The following DMRTA1 variants were observed in gnomAD, a reference collection of about 807,000 sequenced individuals.
DMRTA1 encodes doublesex- and mab-3-related transcription factor A1.
A neutral mutation model predicts 35.2 loss-of-function variants in DMRTA1; 34 were observed. That is an observed-to-expected ratio of 0.97 (90% CI 0.74 to 1.29). The LOEUF is 1.29. Ranked by LOEUF, DMRTA1 falls within the 50% of genes most tolerant of loss-of-function variation. The pLI, the probability that DMRTA1 is intolerant of heterozygous loss-of-function variation, is 0.00. For synonymous variants in DMRTA1, 344 were observed against 276.6 expected (o/e 1.24, Z -2.42); for missense variants, 824 against 644.6 (o/e 1.28, Z -3.01).
chr9:22,449,344 T>C lies in DMRTA1; in HGVS notation c.667+1612T>C, dbSNP rs115005646. Among the ~76,000 whole-genome samples, 1,033 of 152,240 alleles carry C rather than the reference T, an allele frequency of 6.8e-3. 15 individuals carry two copies. Among genetic ancestry groups the C allele is most frequent in the African/African-American group, 0.024 (988 of 41,540 alleles). On this transcript the variant is annotated intron_variant, in intron 1 of 1. Transcript: ENST00000325870. ...GTATCCAAAAACTACAATGCAAGGC[T>C]TAATATACAATGATAAATGCAATAG...
Position 22,451,785 on chromosome 9 carries a change from C to T in DMRTA1, c.1389C>T (p.Thr463=), listed in dbSNP as rs1190403790. 1 of 1,614,066 alleles carries T rather than the reference C, an allele frequency of 6.2e-7. No homozygotes were observed. Among genetic ancestry groups the T allele is most frequent in the South Asian group, 1.1e-5 (1 of 91,070 alleles). The stretch of plus-strand genomic sequence containing the variant: ...ACCTAACACCTGGGTTAGTACCAAC[C>T]TTACCTTTTCGGCCAGCTTTGGATT... ...SPYLTPGLVP[T]LPFRPALDYA... is the part of the protein sequence containing the mutation. Residue 463 remains threonine (T), a synonymous_variant, in exon 2 of 2, where the codon ACC becomes ACT. Coordinates refer to ENST00000325870, the MANE Select transcript of DMRTA1 (RefSeq NM_022160.3).
chr9:22,450,333 T>C lies in DMRTA1; in HGVS notation c.668-731T>C, dbSNP rs538860686. On this transcript the variant is annotated intron_variant, in intron 1 of 1. Transcript: ENST00000325870. ...AACAATTTGCTTTTAAAGTCTGTTA[T>C]TGATATTTCTTAAGGATTGAAAAAG... Among the ~76,000 whole-genome samples, 58 of 151,470 alleles carry C rather than the reference T, an allele frequency of 3.8e-4. 1 individual carries two copies. Among genetic ancestry groups the C allele is most frequent in the Middle Eastern group, 3.4e-3 (1 of 294 alleles).
Position 22,454,585 on chromosome 9 carries a change from C to A in DMRTA1, c.*2674C>A, listed in dbSNP as rs1394701764. 1 of 152,094 alleles carries A rather than the reference C, an allele frequency of 6.6e-6. No homozygotes were observed. Among genetic ancestry groups the A allele is most frequent in the Non-Finnish European group, 1.5e-5 (1 of 67,994 alleles). The allele number at this position is 152,094 out of a possible 1,614,324, so 9.4% of individuals were successfully genotyped here. A position where few individuals can be genotyped will look rare whatever the true frequency, so the allele number is the denominator to read the frequency against. On this transcript the variant is annotated 3_prime_UTR_variant, in exon 2 of 2. Coordinates refer to ENST00000325870, the MANE Select transcript of DMRTA1 (RefSeq NM_022160.3). ...GACAGTGTTGGTACATCAATGAGTT[C>A]TTTGTAATCTTGATATTTATATCCA...
In DMRTA1 at chr9:22,454,889, T is replaced by G. The variant is rs753715977; in HGVS notation, c.*2978T>G. 3 of 152,120 alleles carry G rather than the reference T, an allele frequency of 2.0e-5. No homozygotes were observed. The highest frequency in any genetic ancestry group is 7.2e-5 in the African/African-American group (3 of 41,420). The allele number at this position is 152,120 out of a possible 1,614,324, so 9.4% of individuals were successfully genotyped here. A position where few individuals can be genotyped will look rare whatever the true frequency, so the allele number is the denominator to read the frequency against. On this transcript the variant is annotated 3_prime_UTR_variant, in exon 2 of 2. Coordinates refer to ENST00000325870, the MANE Select transcript of DMRTA1 (RefSeq NM_022160.3). ...CATGTAGAAAATACCAATCAGAGCCTGATTGATGGGATTTTTAATTACTGC... is the reference window on the plus strand; with the variant it reads ...CATGTAGAAAATACCAATCAGAGCCGGATTGATGGGATTTTTAATTACTGC...
chr9:22,452,576 G>T lies in DMRTA1; in HGVS notation c.*665G>T, dbSNP rs902728038. On this transcript the variant is annotated 3_prime_UTR_variant, in exon 2 of 2. Coordinates refer to ENST00000325870, the MANE Select transcript of DMRTA1 (RefSeq NM_022160.3). ...TCTTTAAAGTTGACACTGTGTCTAT[G>T]AAGTAAATTTTAGGAAATAAGACTG... The T allele has an allele frequency of 6.6e-6, 1 of 152,166 alleles. No individual in the cohort carries two copies. The highest frequency in any genetic ancestry group is 1.5e-5 in the Non-Finnish European group (1 of 68,034). 9.4% of individuals were successfully genotyped at this position (152,166 alleles called of 1,614,324 possible).
Position 22,452,428 on chromosome 9 carries a change from T to C in DMRTA1, c.*517T>C, listed in dbSNP as rs1203162365. The C allele has an allele frequency of 6.6e-6, 1 of 152,322 alleles. No individual in the cohort carries two copies. Among genetic ancestry groups the C allele is most frequent in the Non-Finnish European group, 1.5e-5 (1 of 68,136 alleles). The allele number at this position is 152,322 out of a possible 1,614,324, so 9.4% of individuals were successfully genotyped here. On this transcript the variant is annotated 3_prime_UTR_variant, in exon 2 of 2. Coordinates refer to ENST00000325870, the MANE Select transcript of DMRTA1 (RefSeq NM_022160.3). ...TTCAAAGTATTTTTAAAGCATTTGA[T>C]TTGCAGATGGGTGATTCGTAATAAA... is the stretch of plus-strand genomic sequence containing the variant.
chr9:22,449,296 A>G (rs1818887005), intron 1 of DMRTA1, among the ~76,000 whole-genome samples: 1 of 152,228 alleles, frequency 6.6e-6, no homozygotes, highest in Admixed American at 6.5e-5. Context: ...AGAACCTTAT[A>G]TTCAAAAGAA....
chr9:22,449,633 A>G (rs1563825920), intron 1 of DMRTA1, among the ~76,000 whole-genome samples: 1 of 152,148 alleles, frequency 6.6e-6, no homozygotes, highest in Non-Finnish European at 1.5e-5. Flanking sequence ...ATGCTAATCT[A>G]TTTCCACTTG....
In DMRTA1 at chr9:22,452,424, T is replaced by C. The variant is rs1157048664; in HGVS notation, c.*513T>C. On this transcript the variant is annotated 3_prime_UTR_variant, in exon 2 of 2. Coordinates refer to ENST00000325870, the MANE Select transcript of DMRTA1 (RefSeq NM_022160.3). ...GTTATTCAAAGTATTTTTAAAGCAT[T>C]TGATTTGCAGATGGGTGATTCGTAA... 2.0e-5 allele frequency: 3 copies of C among 152,328 alleles called. No homozygotes were observed. Among genetic ancestry groups the C allele is most frequent in the African/African-American group, 7.2e-5 (3 of 41,468 alleles). The allele number at this position is 152,328 out of a possible 1,614,324, so 9.4% of individuals were successfully genotyped here.
At position 22,451,712 on chromosome 9, in the gene DMRTA1, T is replaced by C. The variant is rs1482433876; in HGVS notation, c.1316T>C (p.Leu439Pro). ...NPRVGISPLR[L>P]AYSSAGRGLS... is the part of the protein sequence containing the mutation. Reference sequence around the variant, plus strand: ...AGAGTAGGTATCAGTCCATTAAGGCTGGCATATTCTTCTGCAGGAAGAGGG... The same window carrying C: ...AGAGTAGGTATCAGTCCATTAAGGCCGGCATATTCTTCTGCAGGAAGAGGG... The change falls in exon 2 of 2, where the codon CTG becomes CCG. Residue 439 changes from leucine (L) to proline (P), a missense_variant. By Grantham distance (98) the Leu-to-Pro change is moderately conservative. Coordinates refer to ENST00000325870, the MANE Select transcript of DMRTA1 (RefSeq NM_022160.3). 1.9e-6 allele frequency: 3 copies of C among 1,614,162 alleles called. No homozygotes were observed. The South Asian group carries it at 3.3e-5, about 18-fold the overall frequency.
Position 22,452,741 on chromosome 9 carries a change from A to C in DMRTA1, c.*830A>C, listed in dbSNP as rs915508906. On this transcript the variant is annotated 3_prime_UTR_variant, in exon 2 of 2. Transcript: ENST00000325870. ...ACTACATTAAAATTTCCATACTGTA[A>C]AGTGCACATCTACTGTGGATGAGAG... is the stretch of plus-strand genomic sequence containing the variant. The C allele has an allele frequency of 6.6e-6, 1 of 152,104 alleles. No individual in the cohort carries two copies. The highest frequency in any genetic ancestry group is 2.4e-5 in the African/African-American group (1 of 41,440). 9.4% of individuals were successfully genotyped at this position (152,104 alleles called of 1,614,324 possible).
rs1242017488 is a variant in DMRTA1 at position 22,447,249 on chromosome 9, G to T, written c.184G>T (p.Ala62Ser). 99 of 1,501,268 alleles carry T rather than the reference G, an allele frequency of 6.6e-5. No homozygotes were observed. The highest frequency in any genetic ancestry group is 8.5e-5 in the Non-Finnish European group (96 of 1,132,542). 93.0% of individuals were successfully genotyped at this position (1,501,268 alleles called of 1,614,324 possible). A position where few individuals can be genotyped will look rare whatever the true frequency, so the allele number is the denominator to read the frequency against. Residue 62 changes from alanine to serine, a missense_variant, in exon 1 of 2, where the codon GCC becomes TCC. Ala to Ser is a moderately conservative substitution (Grantham distance 99, BLOSUM62 1). Coordinates refer to ENST00000325870, the MANE Select transcript of DMRTA1 (RefSeq NM_022160.3). ...CTTTCTGCGAGCAGCGGCCGCGGCC[G>T]CCGCCGCCGCTGCCGCCACCTCGGG... Reference protein sequence around the residue: ...SLFLRAAAAAAAAAAATSGSG... With the variant: ...SLFLRAAAAASAAAAATSGSG...
Position 22,455,510 on chromosome 9 carries a change from T to C in DMRTA1, c.*3599T>C, listed in dbSNP as rs946352845. Reference sequence around the variant, plus strand: ...TTACTTTGTATTAAGATATTATCTTTGCCCCCTCGTGGCAGTCTCTCAACA... The same window carrying C: ...TTACTTTGTATTAAGATATTATCTTCGCCCCCTCGTGGCAGTCTCTCAACA... On this transcript the variant is annotated 3_prime_UTR_variant, in exon 2 of 2. Transcript: ENST00000325870. The C allele has an allele frequency of 6.6e-6, 1 of 152,200 alleles. No homozygotes were observed. The highest frequency in any genetic ancestry group is 1.5e-5 in the Non-Finnish European group (1 of 68,036). 9.4% of individuals were successfully genotyped at this position (152,200 alleles called of 1,614,324 possible).
chr9:22,451,191 A>G lies in DMRTA1; in HGVS notation c.795A>G (p.Ser265=), dbSNP rs777522680. The part of the protein sequence containing the change: ...NGVIGKQSIG[S]SISEYSNKPD... ...TCATTGGGAAACAAAGTATCGGGTC[A>G]TCTATTTCAGAATACTCCAACAAGC... is the stretch of plus-strand genomic sequence containing the variant. Residue 265 remains serine (S), a synonymous_variant, in exon 2 of 2, where the codon TCA becomes TCG. Coordinates refer to ENST00000325870, the MANE Select transcript of DMRTA1 (RefSeq NM_022160.3). 1.9e-6 allele frequency: 3 copies of G among 1,614,034 alleles called. No homozygotes were observed. Among genetic ancestry groups the G allele is most frequent in the Non-Finnish European group, 1.7e-6 (2 of 1,179,986 alleles).
chr9:22,450,452 T>C (rs1192581795), intron 1 of DMRTA1, among the ~76,000 whole-genome samples: 2 of 152,132 alleles, frequency 1.3e-5, no homozygotes, highest in Admixed American at 1.3e-4. Flanking sequence ...GGGATTGACA[T>C]AGCAATAGTA....
chr9:22,448,773 A>T (rs1818879387), intron 1 of DMRTA1, among the ~76,000 whole-genome samples: 1 of 152,210 alleles, frequency 6.6e-6, no homozygotes, highest in African/African-American at 2.4e-5. Flanking sequence ...CTACTCACAC[A>T]GTACATTCGA....
At position 22,451,401 on chromosome 9, in the gene DMRTA1, G is replaced by T. The variant is rs1179219102; in HGVS notation, c.1005G>T (p.Lys335Asn). 3 of 1,614,122 alleles carry T rather than the reference G, an allele frequency of 1.9e-6. No individual in the cohort carries two copies. The highest frequency in any genetic ancestry group is 2.2e-5 in the East Asian group (1 of 44,884). Residue 335 changes from lysine to asparagine, a missense_variant, in exon 2 of 2, where the codon AAG (lysine) becomes AAT (asparagine). Coordinates refer to ENST00000325870, the MANE Select transcript of DMRTA1 (RefSeq NM_022160.3). ...GAGATCCTCTTGATATCCTTACTAAGATTTTCCCAAATTACAGGCGCAGCC... is the reference window on the plus strand; with the variant it reads ...GAGATCCTCTTGATATCCTTACTAATATTTTCCCAAATTACAGGCGCAGCC... ...RPRDPLDILTKIFPNYRRSRL... is the reference protein window; with the variant it reads ...RPRDPLDILTNIFPNYRRSRL...
Position 22,447,645 on chromosome 9 carries a change from C to G in DMRTA1, c.580C>G (p.Leu194Val), listed in dbSNP as rs1334230916. 2.5e-6 allele frequency: 4 copies of G among 1,609,454 alleles called. No homozygotes were observed. The highest frequency in any genetic ancestry group is 3.4e-6 in the Non-Finnish European group (4 of 1,178,468). ...STGGPAAGAALGLGALRQASG... is the reference protein window; with the variant it reads ...STGGPAAGAAVGLGALRQASG... ...GGGCGGCCCTGCGGCGGGGGCTGCG[C>G]TGGGACTGGGTGCCTTGAGACAGGC... The change falls in exon 1 of 2, where the codon CTG becomes GTG. Residue 194 changes from leucine to valine, a missense_variant. Physicochemically the swap from Leu to Val is conservative, Grantham distance 32 (BLOSUM62 1). Coordinates refer to ENST00000325870, the MANE Select transcript of DMRTA1 (RefSeq NM_022160.3).
At position 22,454,208 on chromosome 9, in the gene DMRTA1, A is replaced by G. The variant is rs1308674597; in HGVS notation, c.*2297A>G. 1.3e-5 allele frequency: 2 copies of G among 152,010 alleles called. No individual in the cohort carries two copies. Among genetic ancestry groups the G allele is most frequent in the Non-Finnish European group, 2.9e-5 (2 of 67,940 alleles). The allele number at this position is 152,010 out of a possible 1,614,324, so 9.4% of individuals were successfully genotyped here. A position where few individuals can be genotyped will look rare whatever the true frequency, so the allele number is the denominator to read the frequency against. ...GGGTTTTTTCTCCCTAAGGTTAGTA[A>G]TATGAGTCATCTGCAGTGGAATTAC... On this transcript the variant is annotated 3_prime_UTR_variant, in exon 2 of 2. Coordinates refer to ENST00000325870, the MANE Select transcript of DMRTA1 (RefSeq NM_022160.3).
Sources: gnomAD v4.1 joint callset for allele counts (sites outside exome capture counted in the v4.1 genomes callset) on GRCh38, gnomAD v4.1.1 for gene constraint, MANE v1.5 for transcripts, NCBI Gene and HGNC (gene_info 2026-07-23, HGNC 2026-07-21) for gene names.